PSMD5: variants seen among roughly 807,000 people sequenced by gnomAD.
The protein encoded by PSMD5 is proteasome 26S subunit, non-ATPase 5, also known as 26S proteasome non-ATPase regulatory subunit 5.
In PSMD5, 40 loss-of-function variants were observed where a neutral mutation model predicts 52.1. The ratio of observed to expected loss-of-function variants is 0.77; its 90% CI spans 0.60 to 1.00. The LOEUF is 1.00. PSMD5 is among the 50% of genes least tolerant of loss of function. PSMD5 has a pLI of 0.00. For missense variants in PSMD5, 575 were observed against 605.2 expected, an observed-to-expected ratio of 0.95 and a Z score of 0.52; for synonymous variants, 211 against 226.6, an observed-to-expected ratio of 0.93 and a Z score of 0.62.
chr9:120,830,902 T>TAA (rs1170582165), intron 4 of PSMD5, among the ~76,000 whole-genome samples: 2 of 151,502 alleles, frequency 1.3e-5, no homozygotes, highest in Non-Finnish European at 2.9e-5. Flanking sequence ...TATATATATA[T>TAA]AAAAAGGGTC....
At chr9:120,831,510 CT>C in intron 3 of PSMD5, 51 bp from the exon 4 acceptor site, 1 of 1,541,596 alleles carries the variant, frequency 6.5e-7, no homozygotes, top group Non-Finnish European at 8.8e-7. Flanking sequence ...AGGTTATTAT[CT>C]ACTTCATAAG....
chr9:120,839,841 C>T (rs1440590038), intron 1 of PSMD5, among the ~76,000 whole-genome samples: 3 of 121,580 alleles, frequency 2.5e-5, no homozygotes, highest in Non-Finnish European at 4.8e-5. Context: ...CTTGGCTGGG[C>T]GCAGTGGCTC....
chr9:120,828,034 T>C (rs2045134663), intron 5 of PSMD5, among the ~76,000 whole-genome samples: 1 of 152,260 alleles, frequency 6.6e-6, no homozygotes, highest in East Asian at 1.9e-4. Flanking sequence ...TTTGCTCTTG[T>C]TGCCCAGGCT....
At chr9:120,824,856 G>C in intron 6 of PSMD5, 171 bp from the exon 7 acceptor site, 2 of 545,094 alleles carry the variant, frequency 3.7e-6, no homozygotes, top group South Asian at 3.1e-5. Flanking sequence ...TGAAGGACCT[G>C]TGATGTGTGA....
intron 7 of PSMD5, among the ~76,000 whole-genome samples, chr9:120,822,624 C>T (rs577933843): frequency 2.0e-5 from 3 of 152,150 alleles, no homozygotes; most frequent in East Asian, 1.9e-4. Flanking sequence ...TCTCGACTCA[C>T]GGCCCAGGTT....
intron 9 of PSMD5, among the ~76,000 whole-genome samples, chr9:120,819,698 A>G (rs552621851): frequency 2.0e-5 from 3 of 152,258 alleles, no homozygotes; most frequent in South Asian, 2.1e-4. Flanking sequence ...TTAGTCGGGC[A>G]TGGTGGTGGG....
rs1487207925 is a variant in PSMD5, at chr9:120,832,694, C to A, written c.318+618G>T. Among the ~76,000 whole-genome samples the A allele has an allele frequency of 1.3e-5, 2 of 152,218 alleles. 1 individual carries two copies. The highest frequency in any genetic ancestry group is 1.3e-4 in the Admixed American group (2 of 15,282). ...TACAGGCGTGAGCCACTGTGCCCAG[C>A]GCCCTTTTTTGCTGAATAAACACAG... On this transcript the variant is annotated intron_variant, in intron 2 of 9. Transcript: ENST00000210313.
rs538176858 is a variant in PSMD5, at chr9:120,818,311, TAATAA to T, written c.1258-153_1258-149del. On this transcript the variant is annotated intron_variant, in intron 9 of 9. Coordinates refer to ENST00000210313, the MANE Select transcript of PSMD5 (RefSeq NM_005047.4). ...TAAATTCCTTCCTGAGAATCTAACT[TAATAA>T]AATAATCTTAAATATGAAAAATCTT... is the stretch of plus-strand genomic sequence containing the variant. 1.5e-4 allele frequency: 119 copies of T among 792,584 alleles called. No homozygotes were observed. The African/African-American group carries it at 2.0e-3, about 13-fold the overall frequency. The allele number at this position is 792,584 out of a possible 1,614,324, so 49.1% of individuals were successfully genotyped here.
At chr9:120,831,306 T>A (rs116151055) in intron 4 of PSMD5, 25 bp downstream of exon 4, 4 of 1,561,890 alleles carry the variant, frequency 2.6e-6, no homozygotes, top group Admixed American at 2.0e-5. Context: ...TTTGTAAGCA[T>A]GAGAAAGTGT....
At chr9:120,828,443 C>CTTTTTTT (rs34354549) in intron 5 of PSMD5, among the ~76,000 whole-genome samples, 1 of 132,582 alleles carries the variant, frequency 7.5e-6, no homozygotes, top group African/African-American at 2.8e-5. Flanking sequence ...AGCTCATATT[C>CTTTTTTT]TTTTTTTTTT....
chr9:120,840,462 CT>C (rs928053186), intron 1 of PSMD5, among the ~76,000 whole-genome samples: 3 of 147,902 alleles, frequency 2.0e-5, no homozygotes, highest in Admixed American at 6.8e-5. Context: ...TTATTATTAT[CT>C]TGAGATGGAG....
At chr9:120,834,050 G>A (rs1408232290) in intron 1 of PSMD5, among the ~76,000 whole-genome samples, 6 of 139,000 alleles carry the variant, frequency 4.3e-5, no homozygotes, top group Admixed American at 8.1e-5. Context: ...CACGATCTCT[G>A]CTCACTGCAA....
At chr9:120,824,450 G>C (rs2045107944) in intron 7 of PSMD5, 44 bp downstream of exon 7, 4 of 1,589,992 alleles carry the variant, frequency 2.5e-6, no homozygotes, top group Non-Finnish European at 3.5e-6. Flanking sequence ...TTGAACCCCT[G>C]TCAAAGATTA....
chr9:120,826,817 A>T lies in PSMD5; in HGVS notation c.762T>A (p.Ser254=), dbSNP rs751489105. ...CTGAATCTGCCCCAACAATTATATT[A>T]GAAATTTGGTCAATTACTCCTTCTT... ...LAQEGVIDQI[S]NIIVGADSDP... The change falls in exon 6 of 10, where the codon TCT becomes TCA. Residue 254 remains serine (S), a synonymous_variant. Coordinates refer to ENST00000210313, the MANE Select transcript of PSMD5 (RefSeq NM_005047.4). 1.2e-6 allele frequency: 2 copies of T among 1,613,868 alleles called. No homozygotes were observed. The highest frequency in any genetic ancestry group is 1.7e-6 in the Non-Finnish European group (2 of 1,179,738).
At chr9:120,820,777 G>A in intron 9 of PSMD5, 62 bp downstream of exon 9, 1 of 1,477,472 alleles carries the variant, frequency 6.8e-7, no homozygotes, top group Non-Finnish European at 9.0e-7. Context: ...CTGGCTCACT[G>A]TTAAGTACTC....
chr9:120,818,209 G>A (rs1328252651), intron 9 of PSMD5, 46 bp from the exon 10 acceptor site: 4 of 1,559,456 alleles, frequency 2.6e-6, no homozygotes, highest in Non-Finnish European at 3.5e-6. Context: ...AGTGGAAGTT[G>A]TTTGTTAATG....
At chr9:120,835,552 C>G (rs1231194320) in intron 1 of PSMD5, among the ~76,000 whole-genome samples, 1 of 151,890 alleles carries the variant, frequency 6.6e-6, no homozygotes, top group African/African-American at 2.4e-5. Context: ...TGGTGAAACC[C>G]CATCTCAACT....
Position 120,821,248 on chromosome 9 carries a change from A to G in PSMD5, c.1116+107T>C, listed in dbSNP as rs550665915. ...TAAAAATGTCACTAGTCATATAATG[A>G]GGGTTATCTTCTTGTATTTACTTCA... On this transcript the variant is annotated intron_variant, in intron 8 of 9. Coordinates refer to ENST00000210313, the MANE Select transcript of PSMD5 (RefSeq NM_005047.4). 24 of 823,392 alleles carry G rather than the reference A, an allele frequency of 2.9e-5. No individual in the cohort carries two copies. The East Asian group carries it at 5.8e-4, about 20-fold the overall frequency. 51.0% of individuals were successfully genotyped at this position (823,392 alleles called of 1,614,324 possible).
chr9:120,831,678 A>G, intron 3 of PSMD5, 154 bp downstream of exon 3: 1 of 1,245,574 alleles, frequency 8.0e-7, no homozygotes, highest in Non-Finnish European at 1.1e-6. Flanking sequence ...TTTACTTGAC[A>G]ACCATTTATT....
Sources: gnomAD v4.1 joint callset for allele counts (sites outside exome capture counted in the v4.1 genomes callset) on GRCh38, gnomAD v4.1.1 for gene constraint, MANE v1.5 for transcripts, NCBI Gene and HGNC (gene_info 2026-07-23, HGNC 2026-07-21) for gene names.